Variants in VPS13D observed in about 807,000 individuals in gnomAD.
VPS13D encodes intermembrane lipid transfer protein VPS13D.
A neutral mutation model predicts 461.9 loss-of-function variants in VPS13D; 187 were observed. The ratio of observed to expected loss-of-function variants is 0.40; its 90% confidence interval spans 0.36 to 0.46. The LOEUF (loss-of-function observed/expected upper bound fraction) is 0.46. Among genes scored for constraint, VPS13D ranks in the 20% least tolerant of loss-of-function variants. The pLI is 0.60. For synonymous variants in VPS13D, 1,951 were observed against 1,986.3 expected (o/e 0.98, Z 0.47); for missense variants, 4,711 against 5,364.9 (o/e 0.88, Z 3.81).
intron 65 of VPS13D, among the ~76,000 whole-genome samples, chr1:12,447,441 A>G (rs1423946507): frequency 6.6e-6 from 1 of 152,214 alleles, no homozygotes; most frequent in African/African-American, 2.4e-5. Flanking sequence ...CCCCAAAGAC[A>G]GTGGCTGGCA....
intron 64 of VPS13D, 122 bp from the exon 65 acceptor site, chr1:12,416,538 G>T: frequency 9.7e-7 from 1 of 1,034,564 alleles, no homozygotes; most frequent in Non-Finnish European, 1.4e-6. Context: ...TTTTAATCTC[G>T]TTACTTGTAG....
chr1:12,310,413 G>A (rs1434003331), intron 27 of VPS13D, among the ~76,000 whole-genome samples: 1 of 152,192 alleles, frequency 6.6e-6, no homozygotes, highest in Non-Finnish European at 1.5e-5. Flanking sequence ...CATAGTGTCT[G>A]TAGGATTCAC....
chr1:12,327,380 C>T (rs1002593684), intron 35 of VPS13D, among the ~76,000 whole-genome samples: 19 of 152,090 alleles, frequency 1.2e-4, no homozygotes, highest in Non-Finnish European at 2.1e-4. Context: ...TGGGCCAGAT[C>T]GTGAAAGGTG....
At chr1:12,342,276 C>T (rs1222288707) in intron 41 of VPS13D, among the ~76,000 whole-genome samples, 4 of 152,216 alleles carry the variant, frequency 2.6e-5, no homozygotes, top group Non-Finnish European at 5.9e-5. Flanking sequence ...AAAACATCCC[C>T]ATTCTCCCTC....
chr1:12,466,106 G>A (rs962068637), intron 67 of VPS13D, among the ~76,000 whole-genome samples: 6 of 151,426 alleles, frequency 4.0e-5, no homozygotes, highest in Non-Finnish European at 8.8e-5. Flanking sequence ...CTGCACTCCA[G>A]CCTGGCGACA....
intron 67 of VPS13D, among the ~76,000 whole-genome samples, chr1:12,479,516 C>T (rs1400497344): frequency 1.3e-5 from 2 of 152,210 alleles, no homozygotes; most frequent in African/African-American, 4.8e-5. Flanking sequence ...TTCACAACCA[C>T]CCTATGAGGT....
At chr1:12,389,839 C>T (rs1644399973) in intron 60 of VPS13D, among the ~76,000 whole-genome samples, 1 of 152,184 alleles carries the variant, frequency 6.6e-6, no homozygotes, top group South Asian at 2.1e-4. Flanking sequence ...TGTAGTTTCC[C>T]ATTGCCTTAA....
chr1:12,329,499 C>CA (rs1643275958), intron 36 of VPS13D, among the ~76,000 whole-genome samples: 2 of 152,188 alleles, frequency 1.3e-5, no homozygotes, highest in South Asian at 4.1e-4. Context: ...AGGCATGAGC[C>CA]ACCGTACCTG....
At chr1:12,351,705 C>T (rs1040260750) in intron 46 of VPS13D, among the ~76,000 whole-genome samples, 4 of 151,966 alleles carry the variant, frequency 2.6e-5, no homozygotes, top group Non-Finnish European at 4.4e-5. Context: ...GATTCTCCTG[C>T]CTCAGCCTCC....
chr1:12,299,449 G>A lies in VPS13D; in HGVS notation c.6216+65G>A. The A allele has an allele frequency of 6.6e-7, 1 of 1,514,184 alleles. No individual in the cohort carries two copies. Among genetic ancestry groups the A allele is most frequent in the Non-Finnish European group, 8.9e-7 (1 of 1,127,472 alleles). 93.8% of individuals were successfully genotyped at this position (1,514,184 alleles called of 1,614,324 possible). On this transcript the variant is annotated intron_variant, in intron 25 of 69. Transcript: ENST00000620676. This position sits in a 1 kb window ranked among gnomAD's most constrained non-coding sequence, Gnocchi z 4.2. ...TATTTGATCACTAATTGAAAAATTT[G>A]TATGCTGCTGTAAGATGATCCATAA...
rs974522772 is a variant in VPS13D, at chr1:12,282,977, A to G, written c.4875A>G (p.Ser1625=). ...AGATTCAAGCCACCTTTTGTATATC[A>G]GAGCTTCAGGTTCAGCTAAGTGGAG... ...FTQIQATFCI[S]ELQVQLSGDL... is the part of the protein sequence containing the mutation. The change falls in exon 21 of 70, where the codon TCA becomes TCG. Residue 1625 remains serine, a synonymous_variant. Coordinates refer to ENST00000620676, the MANE Select transcript of VPS13D (RefSeq NM_015378.4). 2 of 1,614,194 alleles carry G rather than the reference A, an allele frequency of 1.2e-6. No homozygotes were observed. The highest frequency in any genetic ancestry group is 1.7e-6 in the Non-Finnish European group (2 of 1,180,020).
intron 56 of VPS13D, 136 bp from the exon 57 acceptor site, chr1:12,379,352 A>C: frequency 1.5e-6 from 1 of 688,506 alleles, no homozygotes; most frequent in South Asian, 2.1e-5. Flanking sequence ...CTAGGATTCA[A>C]GCTAACTACC....
intron 30 of VPS13D, among the ~76,000 whole-genome samples, chr1:12,315,645 G>T (rs145347999): frequency 6.4e-4 from 97 of 152,158 alleles, no homozygotes; most frequent in Non-Finnish European, 1.2e-3. Context: ...CTCAAACCTG[G>T]GTATGTGATG....
At chr1:12,396,905 TCTTTA>T (rs1644506553) in intron 60 of VPS13D, among the ~76,000 whole-genome samples, 1 of 152,224 alleles carries the variant, frequency 6.6e-6, no homozygotes, top group African/African-American at 2.4e-5. Context: ...TTAACTTTAT[TCTTTA>T]CTTTAAAAAG....
intron 13 of VPS13D, among the ~76,000 whole-genome samples, chr1:12,265,147 T>C (rs79654698): frequency 0.065 from 9,965 of 152,176 alleles, 378 homozygotes; most frequent in African/African-American, 0.11. Context: ...TTTCAAAATA[T>C]TACTGCTCGT....
At chr1:12,250,546 A>G (rs538933239) in intron 6 of VPS13D, among the ~76,000 whole-genome samples, 17 of 151,214 alleles carry the variant, frequency 1.1e-4, no homozygotes, top group Non-Finnish European at 2.2e-4. Flanking sequence ...TAAATGACGT[A>G]TTTTTCTTTA....
intron 41 of VPS13D, 91 bp from the exon 42 acceptor site, chr1:12,342,808 G>GTGAGAAGGT (rs1390440246): frequency 1.4e-6 from 2 of 1,426,618 alleles, no homozygotes; most frequent in African/African-American, 2.8e-5. Flanking sequence ...GAATTGAGTT[G>GTGAGAAGGT]TGAGAAGGTT....
At chr1:12,372,187 G>T (rs560526940) in intron 54 of VPS13D, among the ~76,000 whole-genome samples, 7 of 152,116 alleles carry the variant, frequency 4.6e-5, no homozygotes, top group African/African-American at 9.7e-5. Flanking sequence ...TCTCATAGCT[G>T]GGACTACAGG....
chr1:12,329,974 C>G (rs1643288469), intron 37 of VPS13D, 56 bp downstream of exon 37: 1 of 1,299,600 alleles, frequency 7.7e-7, no homozygotes, highest in Admixed American at 1.9e-5. Flanking sequence ...AAATGTTTGC[C>G]TGGACCTATT....
Sources: allele counts gnomAD v4.1 joint callset (sites outside exome capture counted in the v4.1 genomes callset), GRCh38; gene constraint gnomAD v4.1.1; non-coding constraint Gnocchi (gnomAD v3.1); transcripts MANE v1.5; gene names NCBI Gene and HGNC (gene_info 2026-07-23, HGNC 2026-07-21).